TENM3: variants seen among roughly 807,000 people sequenced by gnomAD.
The protein encoded by TENM3 is teneurin transmembrane protein 3.
A neutral mutation model predicts 255.1 loss-of-function variants in TENM3; 63 were observed. The ratio of observed to expected loss-of-function variants is 0.25; its 90% confidence interval spans 0.20 to 0.30. The LOEUF is 0.30. Among genes scored for constraint, TENM3 ranks in the 10% least tolerant of loss-of-function variants. TENM3 has a pLI of 1.00. For synonymous variants in TENM3, 1,306 were observed against 1,322.3 expected, an observed-to-expected ratio of 0.99 and a Z score of 0.27; for missense variants, 2,929 against 3,461.1, an observed-to-expected ratio of 0.85 and a Z score of 3.86.
Position 182,323,476 on chromosome 4 carries a change from T to C in TENM3, c.-75-470T>C, listed in dbSNP as rs527312236. The stretch of plus-strand genomic sequence containing the variant: ...TGACAAAGTTTCAGTGGCAAGAATT[T>C]CCCAATTTGTTCCTGCTCTTTAGAA... On this transcript the variant is annotated intron_variant, in intron 1 of 27. Transcript: ENST00000511685. Among the ~76,000 whole-genome samples the C allele has an allele frequency of 4.0e-5, 6 of 151,610 alleles. No homozygotes were observed. In the South Asian group the frequency reaches 6.2e-4, roughly 16 times the overall value.
intron 5 of TENM3, among the ~76,000 whole-genome samples, chr4:182,638,967 T>C (rs1389045556): frequency 2.0e-5 from 3 of 152,212 alleles, no homozygotes; most frequent in Non-Finnish European, 1.5e-5. Context: ...TATGGGGCTC[T>C]TGGTTTTGAG....
At chr4:181,918,894 A>G in the TENM3 span, among the ~76,000 whole-genome samples, 1 of 152,188 alleles carries the variant, frequency 6.6e-6, no homozygotes, top group African/African-American at 2.4e-5. Flanking sequence ...GACAAAAAAT[A>G]AATAATAAAT....
the TENM3 span, among the ~76,000 whole-genome samples, chr4:181,695,270 C>A: frequency 1.3e-5 from 2 of 152,138 alleles, no homozygotes; most frequent in Non-Finnish European, 2.9e-5. Context: ...CCCTCAAACT[C>A]TAGCATTGTG....
chr4:182,189,887 G>A (rs1015850197), intron 1 of TENM3, among the ~76,000 whole-genome samples: 12 of 152,172 alleles, frequency 7.9e-5, no homozygotes, highest in Admixed American at 4.6e-4. Flanking sequence ...AAATTTATGC[G>A]TAAGGCAGAC....
chr4:182,092,605 C>T, the TENM3 span, among the ~76,000 whole-genome samples: 1 of 152,206 alleles, frequency 6.6e-6, no homozygotes, highest in South Asian at 2.1e-4. Flanking sequence ...CATGATTGTG[C>T]CTCTGCACTC....
At chr4:182,272,584 C>T (rs1170000232) in intron 1 of TENM3, among the ~76,000 whole-genome samples, 1 of 152,212 alleles carries the variant, frequency 6.6e-6, no homozygotes, top group Non-Finnish European at 1.5e-5. Flanking sequence ...CAGAGGCAAG[C>T]TGTTGAATTA....
chr4:181,726,784 C>T, the TENM3 span, among the ~76,000 whole-genome samples: 3 of 152,116 alleles, frequency 2.0e-5, no homozygotes, highest in African/African-American at 7.2e-5. Context: ...AAAGATCACC[C>T]CCCACTTCCA....
chr4:182,096,400 A>C, the TENM3 span, among the ~76,000 whole-genome samples: 1 of 152,232 alleles, frequency 6.6e-6, no homozygotes, highest in Non-Finnish European at 1.5e-5. Flanking sequence ...TCGTAAATAA[A>C]GGAAAATAAC....
At chr4:181,675,242 T>A in the TENM3 span, among the ~76,000 whole-genome samples, 63 of 152,258 alleles carry the variant, frequency 4.1e-4, 1 homozygote, top group South Asian at 0.011. Context: ...GAGCTTTTTT[T>A]AAATAATCAT....
the TENM3 span, among the ~76,000 whole-genome samples, chr4:181,969,938 T>A: frequency 3.9e-5 from 6 of 152,224 alleles, no homozygotes; most frequent in Admixed American, 2.0e-4. Flanking sequence ...CTTCATTTAT[T>A]AGCAAGATTC....
At chr4:181,490,329 C>T in the TENM3 span, among the ~76,000 whole-genome samples, 4 of 152,194 alleles carry the variant, frequency 2.6e-5, no homozygotes, top group African/African-American at 9.7e-5. Context: ...CAGATGGTAT[C>T]TTGCCATCCA....
intron 24 of TENM3, 36 bp downstream of exon 24, chr4:182,775,189 C>A: frequency 6.3e-7 from 1 of 1,589,534 alleles, no homozygotes; most frequent in African/African-American, 1.3e-5. Context: ...ATAGCTGCAG[C>A]CCTCTGATCT....
At chr4:182,161,863 G>GTATATATGTGTATATATATACACACA (rs1751330323) in intron 1 of TENM3, among the ~76,000 whole-genome samples, 1 of 15,762 alleles carries the variant, frequency 6.3e-5, no homozygotes, top group South Asian at 1.3e-3. Context: ...ATATATATGT[G>GTATATATGTGTATATATATACACACA]TATATATGTG....
chr4:182,565,079 C>T (rs542206048), intron 3 of TENM3, among the ~76,000 whole-genome samples: 2 of 152,284 alleles, frequency 1.3e-5, no homozygotes, highest in African/African-American at 4.8e-5. Context: ...TGAGGCAATA[C>T]AGCTTTATTA....
At chr4:181,953,273 C>CAT in the TENM3 span, among the ~76,000 whole-genome samples, 5 of 103,834 alleles carry the variant, frequency 4.8e-5, no homozygotes, top group African/African-American at 1.1e-4. Context: ...ACCACCACCA[C>CAT]CACCATCATC....
the TENM3 span, among the ~76,000 whole-genome samples, chr4:181,570,426 T>C: frequency 6.6e-6 from 1 of 151,900 alleles, no homozygotes; most frequent in African/African-American, 2.4e-5. Flanking sequence ...ACTTGAGTTT[T>C]AGAGGTCAAG....
chr4:182,095,101 G>A, the TENM3 span, among the ~76,000 whole-genome samples: 62 of 152,286 alleles, frequency 4.1e-4, no homozygotes, highest in African/African-American at 1.2e-3. Flanking sequence ...GTACAGCCAC[G>A]TGGAAAACAG....
chr4:182,693,470 G>C (rs1354393700), intron 12 of TENM3, among the ~76,000 whole-genome samples: 1 of 151,828 alleles, frequency 6.6e-6, no homozygotes, highest in African/African-American at 2.4e-5. Flanking sequence ...CCAAGTAGCT[G>C]GGGTTACAGG....
the TENM3 span, among the ~76,000 whole-genome samples, chr4:181,519,115 C>G: frequency 6.6e-6 from 1 of 152,180 alleles, no homozygotes; most frequent in East Asian, 1.9e-4. Context: ...GCTATTTAGA[C>G]TGGAAATCTG....
Sources: allele counts gnomAD v4.1 joint callset (sites outside exome capture counted in the v4.1 genomes callset), GRCh38; gene constraint gnomAD v4.1.1; transcripts MANE v1.5; gene names NCBI Gene and HGNC (gene_info 2026-07-23, HGNC 2026-07-21).